The following CNTN5 variants were observed in gnomAD, a reference collection of about 807,000 sequenced individuals.
The protein encoded by CNTN5 is contactin-5.
In CNTN5, 77 loss-of-function variants were observed where a neutral mutation model predicts 129.1. The ratio of observed to expected loss-of-function variants is 0.60; its 90% CI spans 0.50 to 0.72. The LOEUF is 0.72. Ranked by LOEUF, CNTN5 falls within the 30% of genes least tolerant of loss-of-function variation. CNTN5 has a pLI of 0.00. For missense variants in CNTN5, 1,478 were observed against 1,328.8 expected (o/e 1.11, Z -1.75); for synonymous variants, 509 against 465.6 (o/e 1.09, Z -1.20).
At chr11:100,267,022 A>T (rs1950317408) in intron 17 of CNTN5, among the ~76,000 whole-genome samples, 1 of 152,084 alleles carries the variant, frequency 6.6e-6, no homozygotes. Flanking sequence ...ATAATAAGAA[A>T]GTAAATTATA....
At chr11:100,230,005 TTGTTTTGC>T (rs1949456673) in intron 16 of CNTN5, among the ~76,000 whole-genome samples, 1 of 152,148 alleles carries the variant, frequency 6.6e-6, no homozygotes. Context: ...AAAACAAAGC[TTGTTTTGC>T]TAATATGCTG....
At chr11:99,801,894 G>A (rs1291667497) in intron 3 of CNTN5, among the ~76,000 whole-genome samples, 2 of 152,198 alleles carry the variant, frequency 1.3e-5, no homozygotes, top group Non-Finnish European at 2.9e-5. Flanking sequence ...TGCAATCCAT[G>A]CTTTGAAATT....
chr11:99,695,155 G>A (rs905553540), intron 3 of CNTN5, among the ~76,000 whole-genome samples: 1 of 151,966 alleles, frequency 6.6e-6, no homozygotes, highest in African/African-American at 2.4e-5. Flanking sequence ...AGAAATTCCA[G>A]AGTTTAGTAT....
intron 3 of CNTN5, among the ~76,000 whole-genome samples, chr11:99,771,838 A>G (rs79360633): frequency 0.036 from 5,411 of 152,120 alleles, 137 homozygotes; most frequent in South Asian, 0.099. Context: ...TGATAGATAT[A>G]CATTGAGTAG....
At chr11:99,457,891 A>T (rs941680768) in intron 2 of CNTN5, among the ~76,000 whole-genome samples, 1 of 151,750 alleles carries the variant, frequency 6.6e-6, no homozygotes, top group African/African-American at 2.4e-5. Context: ...TTCCCGCTGC[A>T]GGATTTTAGA....
intron 7 of CNTN5, among the ~76,000 whole-genome samples, chr11:99,918,372 C>A (rs1949848119): frequency 6.6e-6 from 1 of 152,086 alleles, no homozygotes; most frequent in Non-Finnish European, 1.5e-5. Context: ...GAACAAAAAA[C>A]CAGTTATACA....
chr11:99,145,727 CA>C (rs987636221), intron 1 of CNTN5, among the ~76,000 whole-genome samples: 6 of 152,058 alleles, frequency 3.9e-5, no homozygotes, highest in African/African-American at 1.4e-4. Flanking sequence ...TACTCTTCCA[CA>C]AATGATGGTA....
Position 99,046,751 on chromosome 11 carries a change from T to C in CNTN5, c.-210+25481T>C, listed in dbSNP as rs573426180. ...TACTACATAATACAAATAAGGAAACTCAAATGTCTTACTAATAATGCAATA... is the reference window on the plus strand; with the variant it reads ...TACTACATAATACAAATAAGGAAACCCAAATGTCTTACTAATAATGCAATA... On this transcript the variant is annotated intron_variant, in intron 1 of 24. Coordinates refer to ENST00000524871, the MANE Select transcript of CNTN5 (RefSeq NM_014361.4). Among the ~76,000 whole-genome samples the C allele has an allele frequency of 5.3e-5, 8 of 152,210 alleles. No homozygotes were observed. In the East Asian group the frequency reaches 1.5e-3, roughly 29 times the overall value.
In CNTN5 at chr11:100,224,806, G is replaced by C; in HGVS notation, c.1999G>C (p.Val667Leu). The C allele has an allele frequency of 6.2e-7, 1 of 1,613,044 alleles. No individual in the cohort carries two copies. Among genetic ancestry groups the C allele is most frequent in the Non-Finnish European group, 8.5e-7 (1 of 1,179,144 alleles). ...TGTGTCAGATGAGGCAGAACTTCTT[G>C]TTAGGGGTGAGTATGCTAATAGTGC... ...DSVSDEAELL[V>L]RGPPGPPGIV... The change falls in exon 16 of 25, where the codon GTT becomes CTT. Residue 667 changes from valine to leucine, a missense_variant. Val to Leu is a conservative substitution (Grantham distance 32). Transcript: ENST00000524871.
At chr11:99,564,150 T>C (rs1334934559) in intron 3 of CNTN5, among the ~76,000 whole-genome samples, 1 of 152,212 alleles carries the variant, frequency 6.6e-6, no homozygotes, top group African/African-American at 2.4e-5. Flanking sequence ...GGCATCATCA[T>C]AGCTCACTGA....
chr11:99,560,268 GTATTATTAT>G lies in CNTN5; in HGVS notation c.55+4031_55+4039del, dbSNP rs35741733. On this transcript the variant is annotated intron_variant, in intron 3 of 24. Transcript: ENST00000524871. The stretch of plus-strand genomic sequence containing the variant: ...GCAGAATATGACAAAGAATCTAACT[GTATTATTAT>G]TATTATTATTATTATTATTATTATT... Among the ~76,000 whole-genome samples the G allele has an allele frequency of 7.9e-3, 1,126 of 141,974 alleles. 8 individuals carry two copies. The highest frequency in any genetic ancestry group is 0.021 in the African/African-American group (795 of 38,772). 93.1% of individuals were successfully genotyped at this position (141,974 alleles called of 152,430 possible).
chr11:99,050,534 T>G (rs1864385002), intron 1 of CNTN5, among the ~76,000 whole-genome samples: 1 of 151,714 alleles, frequency 6.6e-6, no homozygotes, highest in Non-Finnish European at 1.5e-5. Flanking sequence ...TTTAAGGAAA[T>G]AAAGATTTCT....
intron 4 of CNTN5, among the ~76,000 whole-genome samples, chr11:99,837,684 T>TTA (rs1555128895): frequency 1.8e-5 from 2 of 112,616 alleles, no homozygotes; most frequent in Admixed American, 9.0e-5. Context: ...CACACATGAG[T>TTA]AAAAAAAAAA....
At chr11:99,281,704 C>G (rs1434711279) in intron 1 of CNTN5, among the ~76,000 whole-genome samples, 1 of 151,972 alleles carries the variant, frequency 6.6e-6, no homozygotes, top group Admixed American at 6.6e-5. Context: ...AATATATAAT[C>G]ATATTTTATT....
At chr11:99,842,057 A>G (rs1487411117) in intron 4 of CNTN5, among the ~76,000 whole-genome samples, 1 of 151,738 alleles carries the variant, frequency 6.6e-6, no homozygotes, top group Non-Finnish European at 1.5e-5. Flanking sequence ...CACCACGCCC[A>G]GCTAATTTTG....
intron 7 of CNTN5, among the ~76,000 whole-genome samples, chr11:99,918,510 T>G (rs1250827290): frequency 6.6e-6 from 1 of 152,206 alleles, no homozygotes; most frequent in Non-Finnish European, 1.5e-5. Flanking sequence ...AGTCTCACTC[T>G]CAGGTGATAA....
chr11:99,272,944 TAAG>T (rs1218963674), intron 1 of CNTN5, among the ~76,000 whole-genome samples: 1 of 151,866 alleles, frequency 6.6e-6, no homozygotes, highest in African/African-American at 2.4e-5. Context: ...CAAATCGAAT[TAAG>T]AACTTTACAT....
intron 2 of CNTN5, among the ~76,000 whole-genome samples, chr11:99,349,437 C>T (rs1858186454): frequency 6.6e-6 from 1 of 152,158 alleles, no homozygotes; most frequent in African/African-American, 2.4e-5. Context: ...TTTTTTTCCC[C>T]TGGTTTTGGT....
intron 13 of CNTN5, among the ~76,000 whole-genome samples, chr11:100,171,475 A>C (rs1321583765): frequency 2.0e-5 from 3 of 152,044 alleles, no homozygotes; most frequent in African/African-American, 7.2e-5. Flanking sequence ...CAGCATTAAG[A>C]AATACTGTCA....
Sources: allele counts gnomAD v4.1 joint callset (sites outside exome capture counted in the v4.1 genomes callset), GRCh38; gene constraint gnomAD v4.1.1; transcripts MANE v1.5; gene names NCBI Gene and HGNC (gene_info 2026-07-23, HGNC 2026-07-21).